ADGRL2: variants seen among roughly 807,000 people sequenced by gnomAD.
ADGRL2 encodes adhesion G protein-coupled receptor L2.
ADGRL2 carries 44 observed loss-of-function variants against 157.4 expected under a neutral mutation model. That is an observed-to-expected ratio of 0.28 (90% CI 0.22 to 0.36). The LOEUF (loss-of-function observed/expected upper bound fraction) is 0.36, where lower values mean the gene tolerates loss of function less well. ADGRL2 is among the 10% of genes least tolerant of loss of function. The pLI is 1.00. For synonymous variants in ADGRL2, 585 were observed against 624.7 expected (o/e 0.94, Z 0.95); for missense variants, 1,510 against 1,768.9 (o/e 0.85, Z 2.63).
At chr1:81,608,744 C>A (rs2081482937) in intron 3 of ADGRL2, among the ~76,000 whole-genome samples, 1 of 152,220 alleles carries the variant, frequency 6.6e-6, no homozygotes, top group African/African-American at 2.4e-5. Flanking sequence ...ACTAAGAATT[C>A]TTTCATTAGC....
intron 1 of ADGRL2, among the ~76,000 whole-genome samples, chr1:81,333,415 ATTT>A (rs1179058341): frequency 3.3e-5 from 5 of 151,324 alleles, no homozygotes; most frequent in African/African-American, 9.7e-5. Context: ...TAATTAATTT[ATTT>A]ATTTATTTAT....
At chr1:81,372,945 G>A (rs1557637263) in intron 1 of ADGRL2, among the ~76,000 whole-genome samples, 1 of 152,002 alleles carries the variant, frequency 6.6e-6, no homozygotes, top group Non-Finnish European at 1.5e-5. Context: ...TTTTTAATGT[G>A]CATCATCACA....
chr1:81,404,481 G>C (rs900792085), intron 1 of ADGRL2, among the ~76,000 whole-genome samples: 2 of 152,080 alleles, frequency 1.3e-5, no homozygotes, highest in African/African-American at 4.8e-5. Context: ...TTATATATGA[G>C]GACATGGAGG....
intron 3 of ADGRL2, chr1:81,596,428 A>G (rs2081234441): frequency 8.6e-6 from 4 of 463,488 alleles, no homozygotes; most frequent in Middle Eastern, 8.0e-4. Flanking sequence ...TTTACATTGC[A>G]GCTCGTTAGA....
intron 1 of ADGRL2, among the ~76,000 whole-genome samples, chr1:81,311,247 T>G (rs1432164687): frequency 6.6e-6 from 1 of 151,262 alleles, no homozygotes; most frequent in Non-Finnish European, 1.5e-5. Flanking sequence ...TGTTTGTTAC[T>G]GTTGTTGTTG....
At chr1:81,702,314 C>G (rs1489772863) in intron 1 of ADGRL2, among the ~76,000 whole-genome samples, 1 of 152,182 alleles carries the variant, frequency 6.6e-6, no homozygotes, top group African/African-American at 2.4e-5. Flanking sequence ...ACCAGCTAGA[C>G]AGCATCACCC....
intron 3 of ADGRL2, among the ~76,000 whole-genome samples, chr1:81,587,028 C>T (rs1321553217): frequency 6.6e-6 from 1 of 151,994 alleles, no homozygotes; most frequent in Admixed American, 6.6e-5. Flanking sequence ...AAATCGCCAA[C>T]AAGAGGAAAA....
chr1:81,738,291 G>A (rs1473762577), intron 1 of ADGRL2, among the ~76,000 whole-genome samples: 2 of 152,144 alleles, frequency 1.3e-5, no homozygotes, highest in South Asian at 2.1e-4. Flanking sequence ...TTCTCTGAGT[G>A]AGACTTCATC....
intron 2 of ADGRL2, chr1:81,515,011 T>G (rs2079148759): frequency 6.6e-6 from 1 of 152,224 alleles, no homozygotes; most frequent in South Asian, 2.1e-4. Context: ...AGCATATTGT[T>G]TATAATTTAA....
At chr1:81,336,136 C>T (rs911607933) in intron 1 of ADGRL2, among the ~76,000 whole-genome samples, 3 of 152,178 alleles carry the variant, frequency 2.0e-5, no homozygotes, top group Non-Finnish European at 2.9e-5. Flanking sequence ...GTGGCCTTGT[C>T]GGAGATTCTC....
intron 3 of ADGRL2, among the ~76,000 whole-genome samples, chr1:81,679,244 G>A (rs2083058852): frequency 6.6e-6 from 1 of 152,144 alleles, no homozygotes; most frequent in East Asian, 1.9e-4. Context: ...GAATAGGGTA[G>A]GAGGTCAGGC....
At position 81,510,909 on chromosome 1, in the gene ADGRL2, G is replaced by A. The variant is rs554029423; in HGVS notation, c.-248+65820G>A. Among the ~76,000 whole-genome samples the A allele has an allele frequency of 4.6e-5, 7 of 152,168 alleles. No homozygotes were observed. The East Asian group carries it at 1.2e-3, about 25-fold the overall frequency. ...TTGATATGTGAGTATATACAAGTTC[G>A]CACAGGTTTTCACAAGAAAGTAAAT... On this transcript the variant is annotated intron_variant, in intron 2 of 24. Coordinates refer to the ADGRL2 transcript ENST00000370721.
intron 3 of ADGRL2, among the ~76,000 whole-genome samples, chr1:81,583,729 C>A (rs1171495886): frequency 6.6e-6 from 1 of 151,980 alleles, no homozygotes; most frequent in East Asian, 1.9e-4. Flanking sequence ...CTAAGGTTTG[C>A]TATTTAGATT....
chr1:81,964,594 C>T (rs543765681), intron 11 of ADGRL2, among the ~76,000 whole-genome samples: 222 of 151,932 alleles, frequency 1.5e-3, no homozygotes, highest in Admixed American at 2.1e-3. Context: ...TATATTTACA[C>T]CTAAATATAG....
At chr1:81,571,508 C>A (rs1237566822) in intron 2 of ADGRL2, among the ~76,000 whole-genome samples, 2 of 150,350 alleles carry the variant, frequency 1.3e-5, no homozygotes, top group African/African-American at 4.9e-5. Flanking sequence ...GAACAACTAT[C>A]TTGATTTCAC....
intron 1 of ADGRL2, among the ~76,000 whole-genome samples, chr1:81,348,535 C>G (rs762329483): frequency 6.6e-6 from 1 of 152,018 alleles, no homozygotes; most frequent in African/African-American, 2.4e-5. Context: ...TTTCTCTGAA[C>G]TTGGCTAAAA....
In ADGRL2 at chr1:81,866,219, C is replaced by T. The variant is rs548627733; in HGVS notation, c.73+29162C>T. On this transcript the variant is annotated intron_variant, in intron 2 of 23. Transcript: ENST00000686636. ...AGGCTTGTCATATCACTGACTTTTT[C>T]GCATCCTTTAGGCCTTGGTTCTAAT... 2.2e-4 allele frequency among the ~76,000 whole-genome samples: 34 copies of T among 152,158 alleles called. No individual in the cohort carries two copies. In the South Asian group the frequency reaches 6.8e-3, roughly 31 times the overall value.
chr1:81,628,163 G>A lies in ADGRL2; in HGVS notation c.-143+47183G>A, dbSNP rs144721262. Among the ~76,000 whole-genome samples the A allele has an allele frequency of 3.6e-4, 55 of 152,252 alleles. No homozygotes were observed. In the East Asian group the frequency reaches 0.011, roughly 29 times the overall value. On this transcript the variant is annotated intron_variant, in intron 3 of 24. Transcript: ENST00000370721. ...GAGATCTAAGCTTGATGAGAAAGGT[G>A]GAGAGCCAGCTAGGTAAATAATATT...
chr1:81,766,926 A>G (rs2086153226), intron 2 of ADGRL2, among the ~76,000 whole-genome samples: 1 of 151,818 alleles, frequency 6.6e-6, no homozygotes, highest in Non-Finnish European at 1.5e-5. Context: ...AACACATTAT[A>G]ATGCCCTTTC....
Sources: allele counts gnomAD v4.1 joint callset (sites outside exome capture counted in the v4.1 genomes callset), GRCh38; gene constraint gnomAD v4.1.1; transcripts MANE v1.5; gene names NCBI Gene and HGNC (gene_info 2026-07-23, HGNC 2026-07-21).